CSMD1: variants seen among roughly 807,000 people sequenced by gnomAD.
CSMD1 encodes CUB and sushi domain-containing protein 1.
A neutral mutation model predicts 417.5 loss-of-function variants in CSMD1; 213 were observed. The ratio of observed to expected loss-of-function variants is 0.51; its 90% confidence interval spans 0.46 to 0.57. The LOEUF (loss-of-function observed/expected upper bound fraction) is 0.57. CSMD1 is among the 20% of genes least tolerant of loss of function. CSMD1 has a pLI of 0.00. For synonymous variants in CSMD1, 2,862 were observed against 1,736.8 expected, an observed-to-expected ratio of 1.65 and a Z score of -16.11; for missense variants, 6,923 against 4,529.7, an observed-to-expected ratio of 1.53 and a Z score of -15.17.
At chr8:3,412,011 TATACATATAC>T (rs368458315) in intron 12 of CSMD1, among the ~76,000 whole-genome samples, 2,633 of 23,632 alleles carry the variant, frequency 0.11, 1,093 homozygotes, top group Middle Eastern at 0.33. Flanking sequence ...CACGTATATA[TATACATATAC>T]ACACGTATAT....
chr8:3,632,249 A>G lies in CSMD1; in HGVS notation c.1010-15452T>C, dbSNP rs1425520715. Among the ~76,000 whole-genome samples, 3 of 152,186 alleles carry G rather than the reference A, an allele frequency of 2.0e-5. No individual in the cohort carries two copies. The East Asian group carries it at 5.8e-4, about 29-fold the overall frequency. On this transcript the variant is annotated intron_variant, in intron 7 of 69. Transcript: ENST00000635120. ...TCATTTCTAGGGCTGGGCTTTAACC[A>G]TTTGATAATGCATCTTAAATCAACA...
intron 3 of CSMD1, among the ~76,000 whole-genome samples, chr8:4,246,094 G>A (rs1009333683): frequency 6.6e-6 from 1 of 152,028 alleles, no homozygotes; most frequent in Non-Finnish European, 1.5e-5. Flanking sequence ...CTTATGTCAT[G>A]GGAGTTTGTT....
chr8:3,690,289 G>C lies in CSMD1; in HGVS notation c.1009+18125C>G, dbSNP rs117389254. Reference sequence around the variant, plus strand: ...AGTCAGAAGGATCGTTTGAGCCCAGGAGGTGGCAGTGACCGAAGATCGCAC... The same window carrying C: ...AGTCAGAAGGATCGTTTGAGCCCAGCAGGTGGCAGTGACCGAAGATCGCAC... On this transcript the variant is annotated intron_variant, in intron 7 of 69. Transcript: ENST00000635120. Among the ~76,000 whole-genome samples, 100 of 152,338 alleles carry C rather than the reference G, an allele frequency of 6.6e-4. No homozygotes were observed. The East Asian group carries it at 0.013, about 20-fold the overall frequency.
intron 1 of CSMD1, among the ~76,000 whole-genome samples, chr8:4,654,958 T>A (rs1585400435): frequency 1.3e-5 from 2 of 151,758 alleles, no homozygotes; most frequent in East Asian, 3.9e-4. Context: ...AAAACAAAAG[T>A]TAGTATTTTT....
intron 2 of CSMD1, among the ~76,000 whole-genome samples, chr8:4,527,931 G>A (rs1266838147): frequency 1.3e-5 from 2 of 152,246 alleles, no homozygotes; most frequent in East Asian, 1.9e-4. Flanking sequence ...CTTCCTGAGG[G>A]TGTGCTGACT....
At chr8:3,148,593 G>A (rs866552144) in intron 40 of CSMD1, among the ~76,000 whole-genome samples, 3 of 152,176 alleles carry the variant, frequency 2.0e-5, no homozygotes, top group African/African-American at 4.8e-5. Context: ...AGAAGACGCA[G>A]AAATTAAAGA....
In CSMD1 at chr8:4,368,946, A is replaced by G. The variant is rs148403173; in HGVS notation, c.415+51007T>C. Among the ~76,000 whole-genome samples the G allele has an allele frequency of 6.1e-3, 926 of 152,092 alleles. 2 individuals are homozygous for G. The highest frequency in any genetic ancestry group is 0.017 in the Middle Eastern group (5 of 294). On this transcript the variant is annotated intron_variant, in intron 3 of 69. Coordinates refer to ENST00000635120, the MANE Select transcript of CSMD1 (RefSeq NM_033225.6). ...CTCTTATATGGATTTTAGCAGTTCAATTTCATTCAGTTCAGCTCTGATTTT... is the reference window on the plus strand; with the variant it reads ...CTCTTATATGGATTTTAGCAGTTCAGTTTCATTCAGTTCAGCTCTGATTTT...
intron 1 of CSMD1, among the ~76,000 whole-genome samples, chr8:4,648,143 G>C (rs1343914125): frequency 2.6e-5 from 4 of 152,180 alleles, no homozygotes; most frequent in African/African-American, 9.7e-5. Flanking sequence ...CTGTGGTTTT[G>C]ATTTGCGTTT....
At chr8:4,420,125 T>A in intron 2 of CSMD1, 60 bp from the exon 3 acceptor site, 2 of 1,230,498 alleles carry the variant, frequency 1.6e-6, no homozygotes, top group South Asian at 1.3e-5. Flanking sequence ...AAAAAAAGCT[T>A]ATTTGATGAA....
At position 3,417,410 on chromosome 8, in the gene CSMD1, A is replaced by G. The variant is rs535560418; in HGVS notation, c.1562-7805T>C. Among the ~76,000 whole-genome samples the G allele has an allele frequency of 2.0e-5, 3 of 152,326 alleles. No individual in the cohort carries two copies. In the South Asian group the frequency reaches 6.2e-4, roughly 32 times the overall value. ...CCAAAACTCTTATTGCCTGTGTAAG[A>G]TATTTACACAACTTCTTATATGCTT... On this transcript the variant is annotated intron_variant, in intron 12 of 69. Coordinates refer to ENST00000635120, the MANE Select transcript of CSMD1 (RefSeq NM_033225.6).
chr8:4,319,608 G>C (rs1267652298), intron 3 of CSMD1, among the ~76,000 whole-genome samples: 1 of 152,106 alleles, frequency 6.6e-6, no homozygotes, highest in Non-Finnish European at 1.5e-5. Context: ...TGATTCCTGA[G>C]AGAAGAAAAC....
rs148638182 is a variant in CSMD1, at chr8:3,979,255, T to G, written c.818+18648A>C. On this transcript the variant is annotated intron_variant, in intron 5 of 69. Transcript: ENST00000635120. ...GGCCAGGAAATTTAGGGCATCTTTT[T>G]GTTTTGGGAGCGGATTGCAATGTGC... Among the ~76,000 whole-genome samples, 1,389 of 152,290 alleles carry G rather than the reference T, an allele frequency of 9.1e-3. 76 individuals are homozygous for G. Among genetic ancestry groups the G allele is most frequent in the Admixed American group, 0.078 (1,189 of 15,288 alleles).
intron 1 of CSMD1, among the ~76,000 whole-genome samples, chr8:4,821,089 A>G (rs979882583): frequency 6.6e-6 from 1 of 152,094 alleles, no homozygotes; most frequent in African/African-American, 2.4e-5. Flanking sequence ...TAAGTGTAAA[A>G]AGATACCAGA....
At chr8:3,253,394 C>CA (rs1170721448) in intron 26 of CSMD1, among the ~76,000 whole-genome samples, 1 of 152,080 alleles carries the variant, frequency 6.6e-6, no homozygotes, top group Non-Finnish European at 1.5e-5. Flanking sequence ...GTCTGAGAGA[C>CA]AGTTTGTTAT....
At chr8:3,504,549 A>T (rs982470329) in intron 10 of CSMD1, among the ~76,000 whole-genome samples, 1 of 152,230 alleles carries the variant, frequency 6.6e-6, no homozygotes, top group African/African-American at 2.4e-5. Flanking sequence ...AGACCCAGGC[A>T]CATTCTGCCA....
At position 3,492,516 on chromosome 8, in the gene CSMD1, A is replaced by G. The variant is rs558423882; in HGVS notation, c.1448+1107T>C. ...AAGATCTACAACATGAAGAGAAGCT[A>G]TCTGTGGAGTTGCAAAGGCAGATAA... is the stretch of plus-strand genomic sequence containing the variant. On this transcript the variant is annotated intron_variant, in intron 11 of 69. Coordinates refer to ENST00000635120, the MANE Select transcript of CSMD1 (RefSeq NM_033225.6). 9.8e-5 allele frequency among the ~76,000 whole-genome samples: 15 copies of G among 152,326 alleles called. No homozygotes were observed. The South Asian group carries it at 2.7e-3, about 27-fold the overall frequency.
chr8:3,175,253 C>G (rs562643813), intron 37 of CSMD1, among the ~76,000 whole-genome samples: 1 of 152,098 alleles, frequency 6.6e-6, no homozygotes, highest in Non-Finnish European at 1.5e-5. Context: ...AAAGAAATAG[C>G]GTCAATTCAA....
intron 8 of CSMD1, among the ~76,000 whole-genome samples, chr8:3,595,853 T>G (rs1801066542): frequency 6.6e-6 from 1 of 152,194 alleles, no homozygotes; most frequent in South Asian, 2.1e-4. Flanking sequence ...GTTTGCACAC[T>G]GTGTGAACGT....
intron 5 of CSMD1, among the ~76,000 whole-genome samples, chr8:3,799,026 G>A (rs1046989086): frequency 6.6e-6 from 1 of 151,852 alleles, no homozygotes; most frequent in Non-Finnish European, 1.5e-5. Context: ...TTTCAGATCT[G>A]AAAAAGTTAA....
Sources: allele counts gnomAD v4.1 joint callset (sites outside exome capture counted in the v4.1 genomes callset), GRCh38; gene constraint gnomAD v4.1.1; transcripts MANE v1.5; gene names NCBI Gene and HGNC (gene_info 2026-07-23, HGNC 2026-07-21).